FHIT: variants seen among roughly 807,000 people sequenced by gnomAD.
FHIT encodes the protein fragile histidine triad diadenosine triphosphatase, also known as bis(5'-adenosyl)-triphosphatase.
In FHIT, 19 loss-of-function variants were observed where a neutral mutation model predicts 17.9. The ratio of observed to expected loss-of-function variants is 1.06; its 90% CI spans 0.74 to 1.56. The LOEUF (loss-of-function observed/expected upper bound fraction) is 1.56, where lower values mean the gene tolerates loss of function less well. Among genes scored for constraint, FHIT ranks in the 40% most tolerant of loss-of-function variants. FHIT has a pLI of 0.00. For missense variants in FHIT, 248 were observed against 189.2 expected, an observed-to-expected ratio of 1.31 and a Z score of -1.82; for synonymous variants, 81 against 69.7, an observed-to-expected ratio of 1.16 and a Z score of -0.81.
intron 5 of FHIT, among the ~76,000 whole-genome samples, chr3:60,284,566 T>TA (rs779969157): frequency 3.3e-5 from 5 of 152,106 alleles, no homozygotes; most frequent in Non-Finnish European, 7.4e-5. Flanking sequence ...ATAAGATACT[T>TA]ACATAAAGAG....
intron 3 of FHIT, among the ~76,000 whole-genome samples, chr3:60,961,661 C>T (rs958599542): frequency 2.0e-5 from 3 of 152,258 alleles, no homozygotes; most frequent in South Asian, 2.1e-4. Flanking sequence ...AGCCAGTTTT[C>T]CCAGCACCAC....
chr3:60,166,855 G>A (rs17062413), intron 5 of FHIT, among the ~76,000 whole-genome samples: 14,946 of 152,180 alleles, frequency 0.098, 1,080 homozygotes, highest in African/African-American at 0.2. Context: ...GGGTGAGAAG[G>A]AGAGAATAGG....
At chr3:60,390,727 A>G (rs1201834172) in intron 5 of FHIT, among the ~76,000 whole-genome samples, 2 of 152,136 alleles carry the variant, frequency 1.3e-5, no homozygotes, top group Non-Finnish European at 2.9e-5. Context: ...AAAAACTTTA[A>G]AAAGAAAAAA....
intron 5 of FHIT, among the ~76,000 whole-genome samples, chr3:60,314,077 G>T (rs1709062900): frequency 6.6e-6 from 1 of 150,664 alleles, no homozygotes; most frequent in Non-Finnish European, 1.5e-5. Context: ...AGTTTAAAAG[G>T]CTCGCTTTCA....
intron 8 of FHIT, among the ~76,000 whole-genome samples, chr3:59,831,533 C>A (rs999177987): frequency 6.6e-6 from 1 of 152,114 alleles, no homozygotes; most frequent in Non-Finnish European, 1.5e-5. Context: ...TACCCTCTAC[C>A]CCAGCATTGA....
intron 5 of FHIT, among the ~76,000 whole-genome samples, chr3:60,459,708 A>G (rs748621092): frequency 3.3e-5 from 5 of 152,340 alleles, no homozygotes; most frequent in Middle Eastern, 3.4e-3. Flanking sequence ...ACTTCTTGCA[A>G]AGTCAGTAGG....
chr3:60,273,143 T>C (rs1706952345), intron 5 of FHIT, among the ~76,000 whole-genome samples: 1 of 152,186 alleles, frequency 6.6e-6, no homozygotes, highest in Admixed American at 6.5e-5. Context: ...AGACAGGAAA[T>C]TTTATCACTG....
At chr3:61,026,704 T>C (rs2032752317) in intron 3 of FHIT, among the ~76,000 whole-genome samples, 1 of 152,170 alleles carries the variant, frequency 6.6e-6, no homozygotes, top group Admixed American at 6.5e-5. Flanking sequence ...ATTTTATGTG[T>C]GGCCCAAGAC....
rs78162948 is a variant in FHIT, at chr3:60,997,064, C to T, written c.-111+44983G>A. The stretch of plus-strand genomic sequence containing the variant: ...TAACTCCACATTGCAGGCCTGTGTG[C>T]TGACTCAGGTTTCCAAGGTTTCTCT... On this transcript the variant is annotated intron_variant, in intron 3 of 9. Transcript: ENST00000492590. Among the ~76,000 whole-genome samples, 1,090 of 152,282 alleles carry T rather than the reference C, an allele frequency of 7.2e-3. 5 individuals are homozygous for T. The highest frequency in any genetic ancestry group is 9.7e-3 in the Non-Finnish European group (660 of 68,008).
intron 5 of FHIT, among the ~76,000 whole-genome samples, chr3:60,370,049 A>C (rs144750031): frequency 1.3e-5 from 2 of 152,354 alleles, no homozygotes; most frequent in Non-Finnish European, 2.9e-5. Flanking sequence ...CCGCTATAGG[A>C]GTACATGATT....
intron 3 of FHIT, among the ~76,000 whole-genome samples, chr3:60,963,641 A>T (rs1482743033): frequency 6.8e-6 from 1 of 146,922 alleles, no homozygotes; most frequent in Admixed American, 6.9e-5. Flanking sequence ...CTTTGTTCTT[A>T]TTGGTTTCAA....
At chr3:60,098,696 G>A (rs1704068932) in intron 5 of FHIT, among the ~76,000 whole-genome samples, 1 of 152,084 alleles carries the variant, frequency 6.6e-6, no homozygotes, top group African/African-American at 2.4e-5. Context: ...AGTTTCTTTT[G>A]CTGTGCAGAA....
At chr3:60,468,579 T>C (rs1173642883) in intron 5 of FHIT, among the ~76,000 whole-genome samples, 2 of 152,110 alleles carry the variant, frequency 1.3e-5, no homozygotes, top group East Asian at 1.9e-4. Context: ...AAAAACACTA[T>C]ACTTTTCATA....
rs149798201 is a variant in FHIT, at chr3:60,410,092, T to C, written c.103+126768A>G. Among the ~76,000 whole-genome samples the C allele has an allele frequency of 7.6e-3, 1,154 of 152,316 alleles. 8 individuals are homozygous for C. Among genetic ancestry groups the C allele is most frequent in the Non-Finnish European group, 0.011 (770 of 68,024 alleles). ...ATAATTCAGAATACTAAGAACCTGC[T>C]ATTGTTTAACTGAAAGCATAGGTAA... is the stretch of plus-strand genomic sequence containing the variant. On this transcript the variant is annotated intron_variant, in intron 5 of 9. Coordinates refer to ENST00000492590, the MANE Select transcript of FHIT (RefSeq NM_002012.4).
At chr3:61,122,314 G>A (rs200641474) in intron 2 of FHIT, among the ~76,000 whole-genome samples, 1 of 152,214 alleles carries the variant, frequency 6.6e-6, no homozygotes, top group East Asian at 1.9e-4. Flanking sequence ...GCAGCAAACT[G>A]AAACTGGACC....
chr3:60,908,732 G>C, intron 3 of FHIT, among the ~76,000 whole-genome samples: 1 of 147,160 alleles, frequency 6.8e-6, no homozygotes, highest in South Asian at 2.2e-4. Flanking sequence ...AAAAAAAAAA[G>C]GGAGGGGACC....
intron 1 of FHIT, among the ~76,000 whole-genome samples, chr3:61,211,158 C>G (rs921902034): frequency 6.6e-6 from 1 of 151,732 alleles, no homozygotes; most frequent in East Asian, 2.0e-4. Context: ...GGGCGCAGGA[C>G]AGTGGTTGCA....
At chr3:60,621,970 G>A (rs191026828) in intron 4 of FHIT, among the ~76,000 whole-genome samples, 53 of 152,170 alleles carry the variant, frequency 3.5e-4, no homozygotes, top group African/African-American at 1.2e-3. Context: ...GGTGTCCACT[G>A]TGTAGGGAGA....
intron 3 of FHIT, among the ~76,000 whole-genome samples, chr3:60,834,290 T>C (rs1702443206): frequency 6.6e-6 from 1 of 152,268 alleles, no homozygotes; most frequent in Non-Finnish European, 1.5e-5. Flanking sequence ...TCTTTTATTT[T>C]AGTTATTTCA....
Sources: allele counts gnomAD v4.1 joint callset (sites outside exome capture counted in the v4.1 genomes callset), GRCh38; gene constraint gnomAD v4.1.1; transcripts MANE v1.5; gene names NCBI Gene and HGNC (gene_info 2026-07-23, HGNC 2026-07-21).